RORA: variants seen among roughly 807,000 people sequenced by gnomAD.
RORA encodes RAR related orphan receptor A.
A neutral mutation model predicts 69.5 loss-of-function variants in RORA; 7 were observed. The ratio of observed to expected loss-of-function variants is 0.10; its 90% CI spans 0.06 to 0.19. The LOEUF is 0.19. Ranked by LOEUF, RORA falls within the 10% of genes least tolerant of loss-of-function variation. The pLI is 1.00. For missense variants in RORA, 457 were observed against 663.0 expected, an observed-to-expected ratio of 0.69 and a Z score of 3.41; for synonymous variants, 261 against 240.8, an observed-to-expected ratio of 1.08 and a Z score of -0.78.
chr15:60,803,424 G>C (rs895908174), intron 1 of RORA, among the ~76,000 whole-genome samples: 4 of 152,196 alleles, frequency 2.6e-5, no homozygotes, highest in Non-Finnish European at 5.9e-5. Context: ...TGTGGCCCAA[G>C]GATGCAACCT....
chr15:60,651,120 C>T (rs1382897369), intron 2 of RORA, among the ~76,000 whole-genome samples: 2 of 152,002 alleles, frequency 1.3e-5, no homozygotes, highest in African/African-American at 4.8e-5. Context: ...GATTAGGGAG[C>T]GGATGTGAGG....
At chr15:60,798,047 T>C (rs895621326) in intron 1 of RORA, among the ~76,000 whole-genome samples, 4 of 152,122 alleles carry the variant, frequency 2.6e-5, no homozygotes, top group African/African-American at 4.8e-5. Flanking sequence ...ATCTGATCCA[T>C]TGAGCTTGAA....
At chr15:61,103,040 T>C (rs1446544562) in intron 1 of RORA, among the ~76,000 whole-genome samples, 2 of 152,254 alleles carry the variant, frequency 1.3e-5, no homozygotes, top group Non-Finnish European at 2.9e-5. Flanking sequence ...GATATCTGTT[T>C]AATAAATGTC....
chr15:61,211,177 C>T (rs1433830193), intron 1 of RORA, among the ~76,000 whole-genome samples: 2 of 151,788 alleles, frequency 1.3e-5, no homozygotes, highest in African/African-American at 2.4e-5. Flanking sequence ...ATGGGACGCT[C>T]GCTTAACAAA....
chr15:61,107,183 A>G (rs2078959818), intron 1 of RORA, among the ~76,000 whole-genome samples: 1 of 152,200 alleles, frequency 6.6e-6, no homozygotes. Context: ...ACGCCCATCA[A>G]CCAAAGCTAA....
At chr15:60,548,772 G>A (rs1319181544) in intron 2 of RORA, among the ~76,000 whole-genome samples, 1 of 152,022 alleles carries the variant, frequency 6.6e-6, no homozygotes, top group Non-Finnish European at 1.5e-5. Context: ...CGAGTAGCTG[G>A]GACTACAGGC....
intron 1 of RORA, among the ~76,000 whole-genome samples, chr15:60,959,838 A>G (rs1397757487): frequency 6.6e-6 from 1 of 152,110 alleles, no homozygotes; most frequent in African/African-American, 2.4e-5. Context: ...TTGTTTTGCC[A>G]TAAAGGTTTA....
intron 1 of RORA, among the ~76,000 whole-genome samples, chr15:61,126,386 CTG>C (rs2079142725): frequency 6.6e-6 from 1 of 152,212 alleles, no homozygotes; most frequent in African/African-American, 2.4e-5. Flanking sequence ...TTAAAATCTA[CTG>C]TCTTAGCAAT....
chr15:60,995,876 G>T lies in RORA; in HGVS notation c.166+233177C>A, dbSNP rs991337736. On this transcript the variant is annotated intron_variant, in intron 1 of 10. Coordinates refer to ENST00000335670, the MANE Select transcript of RORA (RefSeq NM_134261.3). Reference sequence around the variant, plus strand: ...GTTCAAGAAAAGCAGTCAATATTTTGAGTCAAGTTCAAGGGGAAAATCGTT... The same window carrying T: ...GTTCAAGAAAAGCAGTCAATATTTTTAGTCAAGTTCAAGGGGAAAATCGTT... 2.0e-5 allele frequency among the ~76,000 whole-genome samples: 3 copies of T among 152,192 alleles called. No individual in the cohort carries two copies. The East Asian group carries it at 5.8e-4, about 29-fold the overall frequency.
At chr15:61,204,863 A>C (rs1471493584) in intron 1 of RORA, among the ~76,000 whole-genome samples, 1 of 152,224 alleles carries the variant, frequency 6.6e-6, no homozygotes, top group East Asian at 1.9e-4. Flanking sequence ...CAAATCCTGC[A>C]GTGGGTGTAT....
chr15:60,576,411 T>C (rs911604780), intron 2 of RORA, among the ~76,000 whole-genome samples: 3 of 152,166 alleles, frequency 2.0e-5, no homozygotes, highest in African/African-American at 4.8e-5. Flanking sequence ...ATGCAAGACC[T>C]GAATGCCCCC....
At chr15:60,903,220 G>C (rs935363698) in intron 1 of RORA, among the ~76,000 whole-genome samples, 2 of 152,142 alleles carry the variant, frequency 1.3e-5, no homozygotes, top group African/African-American at 4.8e-5. Flanking sequence ...CTCCTGAGGA[G>C]GGGATGATGT....
In RORA at chr15:61,129,977, T is replaced by G. The variant is rs560861343; in HGVS notation, c.166+99076A>C. On this transcript the variant is annotated intron_variant, in intron 1 of 10. Transcript: ENST00000335670. ...AACAAGAAATGAAAGGTGTATAAGA[T>G]TACTGCTTATAAACTCCAAACTGCT... Among the ~76,000 whole-genome samples, 3 of 152,308 alleles carry G rather than the reference T, an allele frequency of 2.0e-5. No homozygotes were observed. The East Asian group carries it at 5.8e-4, about 29-fold the overall frequency.
intron 3 of RORA, among the ~76,000 whole-genome samples, chr15:60,519,799 C>CCTTA (rs10653833): frequency 0.38 from 58,133 of 151,636 alleles, 14,408 homozygotes; most frequent in African/African-American, 0.71. Flanking sequence ...ATTTGCTTCA[C>CCTTA]CTTATTTCTA....
At chr15:60,896,471 T>A (rs894946950) in intron 1 of RORA, among the ~76,000 whole-genome samples, 1 of 152,230 alleles carries the variant, frequency 6.6e-6, no homozygotes, top group African/African-American at 2.4e-5. Flanking sequence ...TTTCTCCTGA[T>A]ACCCACACAG....
chr15:60,932,767 T>C (rs1892412819), intron 1 of RORA, among the ~76,000 whole-genome samples: 1 of 152,124 alleles, frequency 6.6e-6, no homozygotes, highest in Admixed American at 6.5e-5. Flanking sequence ...CTCCCTGGCA[T>C]TGTTGAGATG....
Position 60,612,429 on chromosome 15 carries a change from T to A in RORA, c.196+66228A>T, listed in dbSNP as rs115666047. 4.0e-3 allele frequency among the ~76,000 whole-genome samples: 615 copies of A among 152,318 alleles called. 1 individual carries two copies. The highest frequency in any genetic ancestry group is 0.014 in the African/African-American group (590 of 41,574). On this transcript the variant is annotated intron_variant, in intron 2 of 10. Transcript: ENST00000335670. ...TCAACTAACCCCGGGCAGAAACTAG[T>A]GGATGTATGCCCAGTTGAAGCCTGA... is the stretch of plus-strand genomic sequence containing the variant.
chr15:61,115,989 A>G (rs1039774817), intron 1 of RORA, among the ~76,000 whole-genome samples: 10 of 152,150 alleles, frequency 6.6e-5, no homozygotes, highest in African/African-American at 1.4e-4. Context: ...AGTGTCAAAG[A>G]TCCACCATTA....
intron 1 of RORA, among the ~76,000 whole-genome samples, chr15:60,937,505 A>G (rs1892560323): frequency 6.6e-6 from 1 of 152,190 alleles, no homozygotes; most frequent in South Asian, 2.1e-4. Flanking sequence ...ACTGGGTGAG[A>G]TCATTCAGTT....
Sources: gnomAD v4.1 joint callset for allele counts (sites outside exome capture counted in the v4.1 genomes callset) on GRCh38, gnomAD v4.1.1 for gene constraint, MANE v1.5 for transcripts, NCBI Gene and HGNC (gene_info 2026-07-23, HGNC 2026-07-21) for gene names.